Variants in MSI1 observed in about 807,000 individuals in gnomAD.
The protein encoded by MSI1 is RNA-binding protein Musashi homolog 1.
MSI1 carries 15 observed loss-of-function variants against 54.4 expected under a neutral mutation model. That is an observed-to-expected ratio of 0.28 (90% CI 0.18 to 0.42). The LOEUF (loss-of-function observed/expected upper bound fraction) is 0.42, where lower values mean the gene tolerates loss of function less well. Among genes scored for constraint, MSI1 ranks in the 20% least tolerant of loss-of-function variants. The pLI is 1.00. For synonymous variants in MSI1, 200 were observed against 196.5 expected, an observed-to-expected ratio of 1.02 and a Z score of -0.15; for missense variants, 304 against 506.0, an observed-to-expected ratio of 0.60 and a Z score of 3.83.
In MSI1 at chr12:120,368,299, C is replaced by G; in HGVS notation, c.101-26G>C. The G allele has an allele frequency of 6.5e-7, 1 of 1,544,828 alleles. No individual in the cohort carries two copies. Among genetic ancestry groups the G allele is most frequent in the Non-Finnish European group, 8.7e-7 (1 of 1,146,050 alleles). ...CTGTAACCACACACCCGCCTTCGGA[C>G]CAGCCCGGGCCCCGCGCCCTTCCCC... On this transcript the variant is annotated intron_variant, in intron 2 of 14. Coordinates refer to ENST00000257552, the MANE Select transcript of MSI1 (RefSeq NM_002442.4). The surrounding 1 kb of genome is among the most constrained non-coding windows in gnomAD (Gnocchi z 6.6).
At chr12:120,352,535 T>C (rs1431481351) in intron 10 of MSI1, among the ~76,000 whole-genome samples, 1 of 115,344 alleles carries the variant, frequency 8.7e-6, no homozygotes, top group Non-Finnish European at 2.1e-5. Flanking sequence ...TCCTCATCTC[T>C]AAAATGAGGA....
intron 8 of MSI1, among the ~76,000 whole-genome samples, chr12:120,357,553 T>A (rs1458599806): frequency 6.6e-6 from 1 of 152,212 alleles, no homozygotes; most frequent in Non-Finnish European, 1.5e-5. Context: ...TTGCCCAGGC[T>A]GAAGTGCAGT....
chr12:120,359,007 C>T lies in MSI1; in HGVS notation c.449G>A (p.Arg150Gln). The T allele has an allele frequency of 6.4e-7, 1 of 1,566,402 alleles. No individual in the cohort carries two copies. The highest frequency in any genetic ancestry group is 8.7e-7 in the Non-Finnish European group (1 of 1,155,420). The stretch of plus-strand genomic sequence containing the variant: ...AAGGGGGAGGGGGCCACACTCACCT[C>T]GGTGCCGGTTGGTGGTTTTGTCAAA... Reference protein sequence around the residue: ...LMFDKTTNRHRGFGFVTFESE... With the variant: ...LMFDKTTNRHQGFGFVTFESE... Residue 150 changes from arginine (R) to glutamine (Q), a missense_variant and splice_region_variant, in exon 7 of 15, where the codon CGA becomes CAA. By Grantham distance (43) the Arg-to-Gln change is conservative. Coordinates refer to ENST00000257552, the MANE Select transcript of MSI1 (RefSeq NM_002442.4).
chr12:120,363,911 G>A (rs906545083), intron 5 of MSI1, among the ~76,000 whole-genome samples: 6 of 152,166 alleles, frequency 3.9e-5, no homozygotes, highest in Admixed American at 3.3e-4. Flanking sequence ...CCTGGCAAAG[G>A]AGGAAACCGA....
chr12:120,349,250 C>T (rs185055564), intron 11 of MSI1, among the ~76,000 whole-genome samples: 53 of 152,212 alleles, frequency 3.5e-4, no homozygotes, highest in African/African-American at 1.3e-3. Context: ...TGTGCACCAT[C>T]ATGCCTGGCT....
chr12:120,350,798 C>A (rs539735700), intron 11 of MSI1, among the ~76,000 whole-genome samples: 1 of 152,352 alleles, frequency 6.6e-6, no homozygotes, highest in Non-Finnish European at 1.5e-5. Flanking sequence ...GGCAATATTT[C>A]ATTTGGCTCA....
In MSI1 at chr12:120,368,815, G is replaced by T; in HGVS notation, c.100+18C>A. On this transcript the variant is annotated intron_variant, in intron 2 of 14. Coordinates refer to ENST00000257552, the MANE Select transcript of MSI1 (RefSeq NM_002442.4). This position sits in a 1 kb window ranked among gnomAD's most constrained non-coding sequence, Gnocchi z 6.6. ...GGGGTGCCCTGCCGGACCGGCGGGC[G>T]CTCCCGGGCTCGCTCACCCTGCGTA... 7.1e-7 allele frequency: 1 copy of T among 1,408,552 alleles called. No individual in the cohort carries two copies. Among genetic ancestry groups the T allele is most frequent in the Non-Finnish European group, 9.4e-7 (1 of 1,066,442 alleles). 87.3% of individuals were successfully genotyped at this position (1,408,552 alleles called of 1,614,324 possible).
intron 7 of MSI1, among the ~76,000 whole-genome samples, chr12:120,358,333 G>A (rs1280906234): frequency 2.6e-5 from 4 of 152,250 alleles, no homozygotes; most frequent in South Asian, 2.1e-4. Context: ...TGCGTATCAC[G>A]CAGACACATG....
intron 7 of MSI1, 120 bp from the exon 8 acceptor site, chr12:120,358,018 G>C: frequency 1.2e-6 from 1 of 806,170 alleles, no homozygotes; most frequent in Non-Finnish European, 2.1e-6. Flanking sequence ...TTAATGAAAG[G>C]CTCTGCTCAC....
chr12:120,358,322 C>CT (rs1349127893), intron 7 of MSI1, among the ~76,000 whole-genome samples: 3 of 152,224 alleles, frequency 2.0e-5, no homozygotes, highest in African/African-American at 7.2e-5. Flanking sequence ...ATCTAGATAC[C>CT]TGCGTATCAC....
At position 120,368,142 on chromosome 12, in the gene MSI1, C is replaced by A. The variant is rs1183671981; in HGVS notation, c.182+50G>T. ...CAGATGGTTACAAGGCAGTGAGTGG[C>A]GGGTGGAGGGGGGCGAGCCGGGAGC... On this transcript the variant is annotated intron_variant, in intron 3 of 14. Coordinates refer to ENST00000257552, the MANE Select transcript of MSI1 (RefSeq NM_002442.4). This position sits in a 1 kb window ranked among gnomAD's most constrained non-coding sequence, Gnocchi z 6.6. The A allele has an allele frequency of 5.7e-6, 9 of 1,589,796 alleles. No individual in the cohort carries two copies. Among genetic ancestry groups the A allele is most frequent in the Middle Eastern group, 1.7e-4 (1 of 6,048 alleles).
intron 5 of MSI1, 45 bp from the exon 6 acceptor site, chr12:120,363,180 C>CGGTAGGCCACAGGA: frequency 6.5e-7 from 1 of 1,545,088 alleles, no homozygotes; most frequent in Non-Finnish European, 8.9e-7. Context: ...AGTCCTGTGG[C>CGGTAGGCCACAGGA]CTACCGCCAC....
chr12:120,348,447 C>T (rs1446354318), intron 11 of MSI1, among the ~76,000 whole-genome samples: 1 of 152,200 alleles, frequency 6.6e-6, no homozygotes, highest in Non-Finnish European at 1.5e-5. Context: ...CTCTAAGAAG[C>T]TTTCCCTGAA....
In MSI1 at chr12:120,343,004, CG is replaced by C. The variant is rs1592917778; in HGVS notation, c.*122del. On this transcript the variant is annotated 3_prime_UTR_variant, in exon 15 of 15. Coordinates refer to ENST00000257552, the MANE Select transcript of MSI1 (RefSeq NM_002442.4). ...CCGGGGAGTTGGGGGCAGGCAGTAG[CG>C]GGTCCGAGTCGCTGCAGGGGAGGGG... 6.7e-6 allele frequency: 1 copy of C among 148,198 alleles called. No homozygotes were observed. The highest frequency in any genetic ancestry group is 1.5e-5 in the Non-Finnish European group (1 of 67,362). 9.2% of individuals were successfully genotyped at this position (148,198 alleles called of 1,614,324 possible).
At position 120,347,517 on chromosome 12, in the gene MSI1, G is replaced by GA; in HGVS notation, c.791-4dup. Reference sequence around the variant, plus strand: ...TCCGTAGGCAGTGAGAGGAATGGCTGAAAGGAAAGGGATGGGCACATCAGC... The same window carrying GA: ...TCCGTAGGCAGTGAGAGGAATGGCTGAAAAGGAAAGGGATGGGCACATCAGC... On this transcript the variant is annotated splice_region_variant and splice_polypyrimidine_tract_variant and intron_variant, in intron 11 of 14. Coordinates refer to ENST00000257552, the MANE Select transcript of MSI1 (RefSeq NM_002442.4). 6.2e-7 allele frequency: 1 copy of GA among 1,614,070 alleles called. No homozygotes were observed. The highest frequency in any genetic ancestry group is 2.2e-5 in the East Asian group (1 of 44,890).
At chr12:120,366,634 C>A (rs1266957444) in intron 4 of MSI1, among the ~76,000 whole-genome samples, 1 of 152,112 alleles carries the variant, frequency 6.6e-6, no homozygotes, top group African/African-American at 2.4e-5. Context: ...ATAAATAAAA[C>A]CCAACAAGTA....
chr12:120,351,707 C>T (rs1487532484), intron 10 of MSI1, among the ~76,000 whole-genome samples: 2 of 127,022 alleles, frequency 1.6e-5, no homozygotes, highest in African/African-American at 3.0e-5. Context: ...TTCTTTCTTT[C>T]TCTCTTTTTT....
chr12:120,364,028 A>C (rs1875862345), intron 5 of MSI1, among the ~76,000 whole-genome samples: 1 of 152,178 alleles, frequency 6.6e-6, no homozygotes, highest in Non-Finnish European at 1.5e-5. Flanking sequence ...CTCTATATTC[A>C]ATTGCTTCAA....
Position 120,368,328 on chromosome 12 carries a change from C to CA in MSI1, c.101-56_101-55insT. ...CCCGGGCCCCGCGCCCTTCCCCCCCCCCCGTCCTTTGCCCCCGGTGACCCC... is the reference window on the plus strand; with the variant it reads ...CCCGGGCCCCGCGCCCTTCCCCCCCCACCCGTCCTTTGCCCCCGGTGACCCC... On this transcript the variant is annotated intron_variant, in intron 2 of 14. Coordinates refer to ENST00000257552, the MANE Select transcript of MSI1 (RefSeq NM_002442.4). This position sits in a 1 kb window ranked among gnomAD's most constrained non-coding sequence, Gnocchi z 6.6. 1 of 1,531,026 alleles carries CA rather than the reference C, an allele frequency of 6.5e-7. No individual in the cohort carries two copies. Among genetic ancestry groups the CA allele is most frequent in the Admixed American group, 2.0e-5 (1 of 50,716 alleles). The allele number at this position is 1,531,026 out of a possible 1,614,324, so 94.8% of individuals were successfully genotyped here.
Sources: allele counts gnomAD v4.1 joint callset (sites outside exome capture counted in the v4.1 genomes callset), GRCh38; gene constraint gnomAD v4.1.1; non-coding constraint Gnocchi (gnomAD v3.1); transcripts MANE v1.5; gene names NCBI Gene and HGNC (gene_info 2026-07-23, HGNC 2026-07-21).